LRMDA: variants seen among roughly 807,000 people sequenced by gnomAD.
LRMDA encodes leucine rich melanocyte differentiation associated, also known as leucine-rich melanocyte differentiation-associated protein.
A neutral mutation model predicts 29.8 loss-of-function variants in LRMDA; 18 were observed. The observed-to-expected ratio is 0.60, with a 90% CI of 0.42 to 0.90. The LOEUF is 0.90. Among genes scored for constraint, LRMDA ranks in the 40% least tolerant of loss-of-function variants. The pLI is 0.00. For synonymous variants in LRMDA, 125 were observed against 109.4 expected, an observed-to-expected ratio of 1.14 and a Z score of -0.89; for missense variants, 273 against 273.9, an observed-to-expected ratio of 1.00 and a Z score of 0.02.
chr10:76,349,315 TGG>T (rs1211734871), intron 6 of LRMDA, among the ~76,000 whole-genome samples: 1 of 152,016 alleles, frequency 6.6e-6, no homozygotes, highest in African/African-American at 2.4e-5. Flanking sequence ...TGGAAGCCAA[TGG>T]GGTTGGCTGT....
intron 2 of LRMDA, among the ~76,000 whole-genome samples, chr10:75,878,027 T>C (rs966892522): frequency 5.9e-5 from 9 of 152,146 alleles, no homozygotes; most frequent in Non-Finnish European, 1.3e-4. Flanking sequence ...GGGCAGGTCA[T>C]GAAGAGTGTT....
rs183648410 is a variant in LRMDA at position 76,310,840 on chromosome 10, C to T, written c.517-13561C>T. ...TGCTGGCATGCACTCTTATTGAAAGCAAAAGGAAAACACAGATATATTTAA... is the reference window on the plus strand; with the variant it reads ...TGCTGGCATGCACTCTTATTGAAAGTAAAAGGAAAACACAGATATATTTAA... On this transcript the variant is annotated intron_variant, in intron 5 of 6. Coordinates refer to ENST00000611255, the MANE Select transcript of LRMDA (RefSeq NM_001305581.2). Among the ~76,000 whole-genome samples the T allele has an allele frequency of 3.3e-5, 5 of 152,180 alleles. No individual in the cohort carries two copies. In the East Asian group the frequency reaches 9.7e-4, roughly 29 times the overall value.
At chr10:76,535,502 G>A (rs77483984) in intron 6 of LRMDA, among the ~76,000 whole-genome samples, 5,033 of 152,188 alleles carry the variant, frequency 0.033, 130 homozygotes, top group South Asian at 0.099. Flanking sequence ...TAGAAGAGAA[G>A]CCCATTATAC....
intron 2 of LRMDA, among the ~76,000 whole-genome samples, chr10:75,587,841 G>A (rs1840675450): frequency 6.6e-6 from 1 of 152,196 alleles, no homozygotes; most frequent in South Asian, 2.1e-4. Flanking sequence ...AGCCAAGGTC[G>A]GGAGCATGAC....
intron 2 of LRMDA, among the ~76,000 whole-genome samples, chr10:75,486,867 C>T (rs1057312632): frequency 6.6e-6 from 1 of 152,174 alleles, no homozygotes; most frequent in Non-Finnish European, 1.5e-5. Context: ...GAGGATAGCA[C>T]GTGATAATTT....
chr10:75,992,367 G>A (rs1218133384), intron 2 of LRMDA, among the ~76,000 whole-genome samples: 2 of 152,178 alleles, frequency 1.3e-5, no homozygotes, highest in African/African-American at 4.8e-5. Flanking sequence ...GCTCCTGACA[G>A]ACAACATTTA....
chr10:76,037,591 C>T (rs1041080444), intron 3 of LRMDA, among the ~76,000 whole-genome samples: 6 of 152,194 alleles, frequency 3.9e-5, no homozygotes, highest in African/African-American at 1.4e-4. Context: ...TTATTTCTCA[C>T]AGTCTGGAGG....
intron 2 of LRMDA, among the ~76,000 whole-genome samples, chr10:75,928,133 G>A (rs1419488479): frequency 6.6e-6 from 1 of 152,096 alleles, no homozygotes; most frequent in Non-Finnish European, 1.5e-5. Context: ...GGTTGGCTAT[G>A]GAGCCTGAAA....
At chr10:75,506,202 A>G (rs1207855994) in intron 2 of LRMDA, among the ~76,000 whole-genome samples, 1 of 152,136 alleles carries the variant, frequency 6.6e-6, no homozygotes, top group African/African-American at 2.4e-5. Context: ...AGTGACCCCA[A>G]ACATAGACTC....
chr10:75,612,962 G>T (rs1841051172), intron 2 of LRMDA, among the ~76,000 whole-genome samples: 1 of 152,134 alleles, frequency 6.6e-6, no homozygotes, highest in South Asian at 2.1e-4. Context: ...GCTTTCGTTG[G>T]TTTGCTGTGC....
chr10:76,341,849 A>G (rs1209210271), intron 6 of LRMDA, among the ~76,000 whole-genome samples: 2 of 152,188 alleles, frequency 1.3e-5, no homozygotes, highest in Non-Finnish European at 2.9e-5. Context: ...CCCAAGAGAC[A>G]GGAAGACCCA....
At chr10:76,035,025 A>G (rs1222970150) in intron 2 of LRMDA, among the ~76,000 whole-genome samples, 2 of 151,474 alleles carry the variant, frequency 1.3e-5, no homozygotes, top group East Asian at 3.9e-4. Context: ...CCCAACACTC[A>G]TGAGAGCCCA....
chr10:76,457,706 A>ATTTT (rs1388229135), intron 6 of LRMDA, among the ~76,000 whole-genome samples: 2 of 152,190 alleles, frequency 1.3e-5, no homozygotes, highest in Non-Finnish European at 2.9e-5. Context: ...AATATCTTAA[A>ATTTT]TAAGTTTCCT....
intron 2 of LRMDA, among the ~76,000 whole-genome samples, chr10:75,950,759 A>G (rs1846560683): frequency 6.6e-6 from 1 of 152,182 alleles, no homozygotes; most frequent in Non-Finnish European, 1.5e-5. Flanking sequence ...ATCACCTGGC[A>G]TTGCCCTCTG....
chr10:76,200,107 G>A (rs929872695), intron 5 of LRMDA, among the ~76,000 whole-genome samples: 6 of 151,988 alleles, frequency 3.9e-5, no homozygotes, highest in East Asian at 1.9e-4. Context: ...GACTATAGGC[G>A]TGTGCCACCA....
chr10:76,087,096 C>G (rs983882494), intron 5 of LRMDA, among the ~76,000 whole-genome samples: 47 of 152,154 alleles, frequency 3.1e-4, no homozygotes, highest in Non-Finnish European at 2.9e-5. Context: ...TGTAAATCAT[C>G]CCCAGCATTG....
intron 2 of LRMDA, among the ~76,000 whole-genome samples, chr10:76,018,750 T>G (rs547834625): frequency 3.3e-5 from 5 of 152,182 alleles, no homozygotes; most frequent in Middle Eastern, 3.4e-3. Context: ...GTATTTTTAG[T>G]AGAGACAGGG....
rs1481030312 is a variant in LRMDA, at chr10:75,944,744, A to C, written c.132-91264A>C. On this transcript the variant is annotated intron_variant, in intron 2 of 6. Coordinates refer to ENST00000611255, the MANE Select transcript of LRMDA (RefSeq NM_001305581.2). ...TATATACACATATATATCTATATGT[A>C]TATATATATAAAATAAAATATATAT... Among the ~76,000 whole-genome samples, 3 of 148,244 alleles carry C rather than the reference A, an allele frequency of 2.0e-5. No individual in the cohort carries two copies. In the East Asian group the frequency reaches 5.8e-4, roughly 29 times the overall value.
intron 2 of LRMDA, among the ~76,000 whole-genome samples, chr10:75,704,171 T>C (rs1842339538): frequency 4.6e-5 from 7 of 152,178 alleles, no homozygotes; most frequent in Admixed American, 4.6e-4. Context: ...TTTAAGTCAG[T>C]TATAGTGTAT....
Sources: gnomAD v4.1 joint callset for allele counts (sites outside exome capture counted in the v4.1 genomes callset) on GRCh38, gnomAD v4.1.1 for gene constraint, MANE v1.5 for transcripts, NCBI Gene and HGNC (gene_info 2026-07-23, HGNC 2026-07-21) for gene names.